GK2: variants seen among roughly 807,000 people sequenced by gnomAD.
The protein encoded by GK2 is glycerol kinase 2.
Under a neutral mutation model 9.5 loss-of-function variants are expected in GK2, and 10 were observed. That is an observed-to-expected ratio of 1.05 (90% CI 0.65 to 1.78). The LOEUF is 1.78. GK2 is among the 40% of genes most tolerant of loss of function. The pLI, the probability that GK2 is intolerant of heterozygous loss-of-function variation, is 0.00. For synonymous variants in GK2, 228 were observed against 229.9 expected (o/e 0.99, Z 0.07); for missense variants, 643 against 669.0 (o/e 0.96, Z 0.43).
In GK2 at chr4:79,408,133, G is replaced by A; in HGVS notation, c.68C>T (p.Thr23Ile). Residue 23 changes from threonine (T) to isoleucine (I), a missense_variant, in exon 1 of 1, where the codon ACT becomes ATT. Coordinates refer to ENST00000358842, the MANE Select transcript of GK2 (RefSeq NM_033214.3). ...VGAVVQGTNSTRFLVFNSKTA... is the reference protein window; with the variant it reads ...VGAVVQGTNSIRFLVFNSKTA... The stretch of plus-strand genomic sequence containing the variant: ...TTTTGAATTGAAAACCAGAAAGCGA[G>A]TGGAGTTGGTGCCCTGGACCACCGC... 6.2e-7 allele frequency: 1 copy of A among 1,613,604 alleles called. No individual in the cohort carries two copies. Among genetic ancestry groups the A allele is most frequent in the Non-Finnish European group, 8.5e-7 (1 of 1,179,664 alleles).
rs1725893643 is a variant in GK2 at position 79,408,005 on chromosome 4, C to T, written c.196G>A (p.Glu66Lys). 1 of 1,614,080 alleles carries T rather than the reference C, an allele frequency of 6.2e-7. No individual in the cohort carries two copies. Among genetic ancestry groups the T allele is most frequent in the African/African-American group, 1.3e-5 (1 of 75,048 alleles). Residue 66 changes from glutamate to lysine, a missense_variant, in exon 1 of 1, where the codon GAG becomes AAG. Physicochemically the swap from Glu to Lys is moderately conservative, Grantham distance 56. Coordinates refer to ENST00000358842, the MANE Select transcript of GK2 (RefSeq NM_033214.3). ...TTCTCACACGTTCTCGCTATACACT[C>T]GTAGACAGACTGAAGAATTTCTTTA... ...DPKEILQSVYECIARTCEKLD... is the reference protein window; with the variant it reads ...DPKEILQSVYKCIARTCEKLD...
rs773002678 is a variant in GK2, at chr4:79,407,251, G to T, written c.950C>A (p.Ala317Glu). Residue 317 changes from alanine (A) to glutamate (E), a missense_variant, in exon 1 of 1, where the codon GCA (alanine) becomes GAA (glutamate). Ala to Glu is a moderately radical substitution (Grantham distance 107). Transcript: ENST00000358842. ...TGCTATAGCAACAGAACCTTCCAGT[G>T]CATAATATGCTGGCTTCTCTCTGCC... ...KLGREKPAYY[A>E]LEGSVAIAGA... is the part of the protein sequence containing the mutation. The T allele has an allele frequency of 6.2e-7, 1 of 1,614,008 alleles. No homozygotes were observed. Among genetic ancestry groups the T allele is most frequent in the African/African-American group, 1.3e-5 (1 of 74,906 alleles).
rs995315843 is a variant in GK2 at position 79,407,418 on chromosome 4, A to C, written c.783T>G (p.Cys261Trp). Residue 261 changes from cysteine to tryptophan, a missense_variant, in exon 1 of 1, where the codon TGT becomes TGG. By Grantham distance (215) the Cys-to-Trp change is radical (BLOSUM62 -2). Transcript: ENST00000358842. ...VPISGCLGDQ[C>W]AALVGQMCFQ... ...AGCACATTTGTCCTACTAATGCAGC[A>C]CATTGGTCCCCCAAACACCCAGATA... 6.2e-7 allele frequency: 1 copy of C among 1,614,164 alleles called. No homozygotes were observed. Among genetic ancestry groups the C allele is most frequent in the Non-Finnish European group, 8.5e-7 (1 of 1,180,020 alleles).
chr4:79,406,816 G>T lies in GK2; in HGVS notation c.1385C>A (p.Ala462Glu), dbSNP rs939816327. Residue 462 changes from alanine (A) to glutamate (E), a missense_variant, in exon 1 of 1, where the codon GCA becomes GAA. Ala to Glu is a moderately radical substitution (Grantham distance 107, BLOSUM62 -1). Transcript: ENST00000358842. ...GCTTACTCCCTCTGCAGCCCCTGCTGCCATGGCAGCTCCTAGTGCAGTTGT... is the reference window on the plus strand; with the variant it reads ...GCTTACTCCCTCTGCAGCCCCTGCTTCCATGGCAGCTCCTAGTGCAGTTGT... ...PETTALGAAM[A>E]AGAAEGVSVW... 1 of 1,614,110 alleles carries T rather than the reference G, an allele frequency of 6.2e-7. No individual in the cohort carries two copies. Among genetic ancestry groups the T allele is most frequent in the African/African-American group, 1.3e-5 (1 of 74,942 alleles).
chr4:79,407,923 T>A lies in GK2; in HGVS notation c.278A>T (p.Gln93Leu). ...SNIKAVGVSNQRETTVIWDKL... is the reference protein window; with the variant it reads ...SNIKAVGVSNLRETTVIWDKL... ...GTCCCAGATTACAGTGGTTTCCCTC[T>A]GATTGCTGACACCAACAGCTTTTAT... is the stretch of plus-strand genomic sequence containing the variant. Residue 93 changes from glutamine to leucine, a missense_variant, in exon 1 of 1, where the codon CAG becomes CTG. By Grantham distance (113) the Gln-to-Leu change is moderately radical. Coordinates refer to ENST00000358842, the MANE Select transcript of GK2 (RefSeq NM_033214.3). The A allele has an allele frequency of 6.2e-7, 1 of 1,614,226 alleles. No individual in the cohort carries two copies.
rs1383595231 is a variant in GK2, at chr4:79,407,987, A to G, written c.214T>C (p.Cys72Arg). ...ATATTCAGTTCGTCAAGTTTCTCAC[A>G]CGTTCTCGCTATACACTCGTAGACA... The part of the protein sequence containing the change: ...QSVYECIART[C>R]EKLDELNIDI... Residue 72 changes from cysteine to arginine, a missense_variant, in exon 1 of 1, where the codon TGT becomes CGT. Transcript: ENST00000358842. 9 of 1,613,968 alleles carry G rather than the reference A, an allele frequency of 5.6e-6. No individual in the cohort carries two copies. The highest frequency in any genetic ancestry group is 1.3e-5 in the African/African-American group (1 of 74,910).
In GK2 at chr4:79,408,018, A is replaced by G. The variant is rs756823900; in HGVS notation, c.183T>C (p.Leu61=). The part of the protein sequence containing the change: ...GWVEQDPKEI[L]QSVYECIART... ...TCGCTATACACTCGTAGACAGACTG[A>G]AGAATTTCTTTAGGGTCTTGTTCCA... Residue 61 remains leucine, a synonymous_variant, in exon 1 of 1, where the codon CTT becomes CTC. Coordinates refer to ENST00000358842, the MANE Select transcript of GK2 (RefSeq NM_033214.3). 1 of 1,614,170 alleles carries G rather than the reference A, an allele frequency of 6.2e-7. No homozygotes were observed. The highest frequency in any genetic ancestry group is 8.5e-7 in the Non-Finnish European group (1 of 1,180,006).
rs1189478481 is a variant in GK2, at chr4:79,407,200, T to C, written c.1001A>G (p.Asp334Gly). ...IAGAVIRWLR[D>G]NLGIIETSGD... is the part of the protein sequence containing the mutation. The stretch of plus-strand genomic sequence containing the variant: ...TGAGGTCTCTATAATTCCAAGATTG[T>C]CTCTTAGCCAACGAATAACAGCACC... The change falls in exon 1 of 1, where the codon GAC becomes GGC. Residue 334 changes from aspartate (D) to glycine (G), a missense_variant. Coordinates refer to ENST00000358842, the MANE Select transcript of GK2 (RefSeq NM_033214.3). 1 of 1,614,164 alleles carries C rather than the reference T, an allele frequency of 6.2e-7. No homozygotes were observed.
In GK2 at chr4:79,406,933, T is replaced by A. The variant is rs779656638; in HGVS notation, c.1268A>T (p.Gln423Leu). The change falls in exon 1 of 1, where the codon CAG becomes CTG. Residue 423 changes from glutamine (Q) to leucine (L), a missense_variant. Gln to Leu is a moderately radical substitution (Grantham distance 113). Coordinates refer to ENST00000358842, the MANE Select transcript of GK2 (RefSeq NM_033214.3). ...RDCGIPLRHL[Q>L]VDGGMTNNKV... is the part of the protein sequence containing the mutation. ...GTTGTTGGTCATTCCTCCATCTACC[T>A]GCAAATGACGAAGTGGAATTCCACA... is the stretch of plus-strand genomic sequence containing the variant. 6.2e-7 allele frequency: 1 copy of A among 1,614,246 alleles called. No homozygotes were observed. Among genetic ancestry groups the A allele is most frequent in the Admixed American group, 1.7e-5 (1 of 60,028 alleles).
Position 79,406,990 on chromosome 4 carries a change from G to A in GK2, c.1211C>T (p.Thr404Ile), listed in dbSNP as rs1276769417. ...GTTCATGGCTTCCAAAATCTCTCGG[G>A]TTTGGAAACAAACAGCTTCTAATGC... The part of the protein sequence containing the change: ...FAALEAVCFQ[T>I]REILEAMNRD... Residue 404 changes from threonine to isoleucine, a missense_variant, in exon 1 of 1, where the codon ACC becomes ATC. By Grantham distance (89) the Thr-to-Ile change is moderately conservative. Coordinates refer to ENST00000358842, the MANE Select transcript of GK2 (RefSeq NM_033214.3). 2 of 1,614,176 alleles carry A rather than the reference G, an allele frequency of 1.2e-6. No individual in the cohort carries two copies. Among genetic ancestry groups the A allele is most frequent in the Admixed American group, 1.7e-5 (1 of 60,022 alleles).
rs1405021665 is a variant in GK2, at chr4:79,407,526, A to G, written c.675T>C (p.Ile225=). The stretch of plus-strand genomic sequence containing the variant: ...AGACATTTGGAAGAAGGTCCATTGG[A>G]ATTTCAAAAAAGTCACAGAGCTCTT... The part of the protein sequence containing the change: ...WDKELCDFFE[I]PMDLLPNVFS... Residue 225 remains isoleucine, a synonymous_variant, in exon 1 of 1, where the codon ATT becomes ATC. Transcript: ENST00000358842. 4 of 1,614,180 alleles carry G rather than the reference A, an allele frequency of 2.5e-6. No homozygotes were observed. Among genetic ancestry groups the G allele is most frequent in the Non-Finnish European group, 3.4e-6 (4 of 1,180,012 alleles).
rs1725870524 is a variant in GK2 at position 79,407,072 on chromosome 4, T to C, written c.1129A>G (p.Arg377Gly). 6.2e-7 allele frequency: 1 copy of C among 1,614,044 alleles called. No individual in the cohort carries two copies. Among genetic ancestry groups the C allele is most frequent in the Admixed American group, 1.7e-5 (1 of 60,006 alleles). Residue 377 changes from arginine to glycine, a missense_variant, in exon 1 of 1, where the codon AGA becomes GGA. Transcript: ENST00000358842. ...TGAGTGAGGCCACAGAGTATCCCTCTTGCACTGGGCTCCCAATAAGGTGCA... is the reference window on the plus strand; with the variant it reads ...TGAGTGAGGCCACAGAGTATCCCTCCTGCACTGGGCTCCCAATAAGGTGCA... ...LYAPYWEPSA[R>G]GILCGLTQFT...
At position 79,407,771 on chromosome 4, in the gene GK2, G is replaced by A. The variant is rs1196689373; in HGVS notation, c.430C>T (p.Pro144Ser). ...SNFVKSKTGLPLSTYFSAVKL... is the reference protein window; with the variant it reads ...SNFVKSKTGLSLSTYFSAVKL... ...ACTGCACTGAAGTAAGTGCTGAGTG[G>A]AAGGCCTGTCTTAGACTTGACGAAG... is the stretch of plus-strand genomic sequence containing the variant. Residue 144 changes from proline to serine, a missense_variant, in exon 1 of 1, where the codon CCA becomes TCA. By Grantham distance (74) the Pro-to-Ser change is moderately conservative. Coordinates refer to ENST00000358842, the MANE Select transcript of GK2 (RefSeq NM_033214.3). The A allele has an allele frequency of 1.9e-6, 3 of 1,614,018 alleles. No homozygotes were observed. The highest frequency in any genetic ancestry group is 1.7e-6 in the Non-Finnish European group (2 of 1,180,022).
In GK2 at chr4:79,408,193, G is replaced by T. The variant is rs1253337062; in HGVS notation, c.8C>A (p.Ala3Asp). Residue 3 changes from alanine to aspartate, a missense_variant, in exon 1 of 1, where the codon GCC becomes GAC. Physicochemically the swap from Ala to Asp is moderately radical, Grantham distance 126. Coordinates refer to ENST00000358842, the MANE Select transcript of GK2 (RefSeq NM_033214.3). MA[A>D]PKTAAVGPLV... is the part of the protein sequence containing the mutation. ...CGGCCCCACAGCTGCTGTCTTTGGG[G>T]CTGCCATGACACCAGTAGGTCGGCT... 8.2e-6 allele frequency: 13 copies of T among 1,589,330 alleles called. No individual in the cohort carries two copies. The highest frequency in any genetic ancestry group is 1.1e-5 in the Non-Finnish European group (13 of 1,169,274).
At position 79,407,886 on chromosome 4, in the gene GK2, T is replaced by TC. The variant is rs760365359; in HGVS notation, c.314dup (p.Glu106ArgfsTer11). ...ACACCACAGCATTGTAGAGAGGCTC[T>TC]CCTGTTAACTTGTCCCAGATTACAG... On this transcript the variant is annotated frameshift_variant, in exon 1 of 1. Coordinates refer to ENST00000358842, the MANE Select transcript of GK2 (RefSeq NM_033214.3). LOFTEE classifies it low-confidence loss of function (END_TRUNC). The TC allele has an allele frequency of 4.3e-6, 7 of 1,614,064 alleles. No homozygotes were observed. Among genetic ancestry groups the TC allele is most frequent in the East Asian group, 4.5e-5 (2 of 44,890 alleles).
chr4:79,407,622 G>A lies in GK2; in HGVS notation c.579C>T (p.Gly193=), dbSNP rs140993075. The change falls in exon 1 of 1, where the codon GGC becomes GGT. Residue 193 remains glycine (G), a synonymous_variant. Coordinates refer to ENST00000358842, the MANE Select transcript of GK2 (RefSeq NM_033214.3). ...CATTTGTTACATCTGTACAATGCAC[G>A]CCTCCATTAACTCCTCCTGTCAAAC... ...IWSLTGGVNG[G]VHCTDVTNAS... is the part of the protein sequence containing the mutation. 1.9e-6 allele frequency: 3 copies of A among 1,613,940 alleles called. No homozygotes were observed. Among genetic ancestry groups the A allele is most frequent in the South Asian group, 1.1e-5 (1 of 91,078 alleles).
Position 79,406,841 on chromosome 4 carries a change from T to C in GK2, c.1360A>G (p.Thr454Ala). Residue 454 changes from threonine (T) to alanine (A), a missense_variant, in exon 1 of 1, where the codon ACA becomes GCA. By Grantham distance (58) the Thr-to-Ala change is moderately conservative. Coordinates refer to ENST00000358842, the MANE Select transcript of GK2 (RefSeq NM_033214.3). ...IPVIKPFMPE[T>A]TALGAAMAAG... is the part of the protein sequence containing the mutation. ...GCCATGGCAGCTCCTAGTGCAGTTG[T>C]TTCAGGCATAAAGGGTTTTATTACT... 3.1e-6 allele frequency: 5 copies of C among 1,614,220 alleles called. No homozygotes were observed. Among genetic ancestry groups the C allele is most frequent in the South Asian group, 1.1e-5 (1 of 91,080 alleles).
Position 79,406,518 on chromosome 4 carries a change from G to T in GK2, c.*21C>A. ...TCATTATGTAAAATGTTTACATCTTGGGACTCCATAGCTGGTATTATTATG... is the reference window on the plus strand; with the variant it reads ...TCATTATGTAAAATGTTTACATCTTTGGACTCCATAGCTGGTATTATTATG... On this transcript the variant is annotated 3_prime_UTR_variant, in exon 1 of 1. Transcript: ENST00000358842. 1 of 1,379,248 alleles carries T rather than the reference G, an allele frequency of 7.3e-7. No homozygotes were observed. The highest frequency in any genetic ancestry group is 1.0e-6 in the Non-Finnish European group (1 of 973,512). 85.4% of individuals were successfully genotyped at this position (1,379,248 alleles called of 1,614,324 possible). A position where few individuals can be genotyped will look rare whatever the true frequency, so the allele number is the denominator to read the frequency against.
Position 79,407,942 on chromosome 4 carries a change from C to G in GK2, c.259G>C (p.Ala87Pro), listed in dbSNP as rs968700100. 4 of 1,613,854 alleles carry G rather than the reference C, an allele frequency of 2.5e-6. 1 individual carries two copies. In the Admixed American group the frequency reaches 6.7e-5, roughly 27 times the overall value. Residue 87 changes from alanine to proline, a missense_variant, in exon 1 of 1, where the codon GCT (alanine) becomes CCT (proline). Ala to Pro is a conservative substitution (Grantham distance 27). Coordinates refer to ENST00000358842, the MANE Select transcript of GK2 (RefSeq NM_033214.3). ...TCCCTCTGATTGCTGACACCAACAG[C>G]TTTTATGTTGGATATATCAATATTC... The part of the protein sequence containing the change: ...ELNIDISNIK[A>P]VGVSNQRETT...
Sources: allele counts gnomAD v4.1 joint callset, GRCh38; gene constraint gnomAD v4.1.1; transcripts MANE v1.5; gene names NCBI Gene and HGNC (gene_info 2026-07-23, HGNC 2026-07-21).